Variants in PCDHGB4 observed in about 807,000 individuals in gnomAD.
The protein encoded by PCDHGB4 is protocadherin gamma subfamily B, 4.
Under a neutral mutation model 60.5 loss-of-function variants are expected in PCDHGB4, and 38 were observed. That is an observed-to-expected ratio of 0.63 (90% CI 0.48 to 0.82). The LOEUF is 0.82. Ranked by LOEUF, PCDHGB4 falls within the 40% of genes least tolerant of loss-of-function variation. The probability of loss-of-function intolerance (pLI) is 0.00; values close to 1 mark genes in which losing one functional copy is unlikely to be tolerated. For missense variants in PCDHGB4, 1,109 were observed against 1,209.6 expected, an observed-to-expected ratio of 0.92 and a Z score of 1.23; for synonymous variants, 456 against 509.7, an observed-to-expected ratio of 0.89 and a Z score of 1.42.
intron 1 of PCDHGB4, chr5:141,408,814 A>G (rs1473137465): frequency 6.8e-6 from 11 of 1,613,456 alleles, no homozygotes; most frequent in Non-Finnish European, 8.5e-6. Context: ...ACCGGGAAGA[A>G]CAGAGATCTC....
At chr5:141,415,740 GTTTTTTTTTTTTT>G (rs57426385) in intron 1 of PCDHGB4, 160 of 625,000 alleles carry the variant, frequency 2.6e-4, no homozygotes, top group Middle Eastern at 1.1e-3. Context: ...GTTTATTAAG[GTTTTTTTTTTTTT>G]TTTTTTTTTT....
At chr5:141,414,183 A>C in intron 1 of PCDHGB4, 1 of 1,609,508 alleles carries the variant, frequency 6.2e-7, no homozygotes, top group Non-Finnish European at 8.5e-7. Flanking sequence ...CAACTGCAAA[A>C]GTGTTGATTA....
In PCDHGB4 at chr5:141,432,677, C is replaced by T. The variant is rs1241190176; in HGVS notation, c.2397+42396C>T. On this transcript the variant is annotated intron_variant, in intron 1 of 3. Transcript: ENST00000519479. This position sits in a 1 kb window ranked among gnomAD's most constrained non-coding sequence, Gnocchi z 6.0. ...CCTGCTGGACAGAGACGCGCTCAAGCAGAGCCTCGTAGTGGCCGTCCAGGA... is the reference window on the plus strand; with the variant it reads ...CCTGCTGGACAGAGACGCGCTCAAGTAGAGCCTCGTAGTGGCCGTCCAGGA... The T allele has an allele frequency of 1.2e-6, 2 of 1,613,942 alleles. No individual in the cohort carries two copies. The highest frequency in any genetic ancestry group is 1.1e-5 in the South Asian group (1 of 91,076).
chr5:141,458,059 T>A (rs533147047), intron 1 of PCDHGB4, among the ~76,000 whole-genome samples: 1 of 152,238 alleles, frequency 6.6e-6, no homozygotes, highest in Admixed American at 6.5e-5. Flanking sequence ...CTTGCTGCAC[T>A]GATGCGAACA....
rs779735897 is a variant in PCDHGB4 at position 141,422,336 on chromosome 5, TA to T, written c.2397+32058del. 34 of 1,550,032 alleles carry T rather than the reference TA, an allele frequency of 2.2e-5. No individual in the cohort carries two copies. The East Asian group carries it at 7.2e-4, about 33-fold the overall frequency. On this transcript the variant is annotated intron_variant, in intron 1 of 3. Coordinates refer to ENST00000519479, the MANE Select transcript of PCDHGB4 (RefSeq NM_003736.4). ...CCTCCAGGTACAGTGATTGCTCTTC[TA>T]AATGTGCAAGATCAAGATTCTGGAG... is the stretch of plus-strand genomic sequence containing the variant.
At chr5:141,437,741 C>CT (rs35124340) in intron 1 of PCDHGB4, among the ~76,000 whole-genome samples, 18,734 of 141,656 alleles carry the variant, frequency 0.13, 1,459 homozygotes, top group African/African-American at 0.22. Context: ...TTGAGTTCAC[C>CT]TTTTTTTTTT....
At position 141,489,076 on chromosome 5, in the gene PCDHGB4, C is replaced by T. The variant is rs536134432; in HGVS notation, c.2398-5731C>T. The T allele has an allele frequency of 6.1e-6, 2 of 326,424 alleles. No individual in the cohort carries two copies. Among genetic ancestry groups the T allele is most frequent in the East Asian group, 5.8e-5 (1 of 17,220 alleles). 20.2% of individuals were successfully genotyped at this position (326,424 alleles called of 1,614,324 possible). On this transcript the variant is annotated intron_variant, in intron 1 of 3. Coordinates refer to ENST00000519479, the MANE Select transcript of PCDHGB4 (RefSeq NM_003736.4). The surrounding 1 kb of genome is among the most constrained non-coding windows in gnomAD (Gnocchi z 4.5). The stretch of plus-strand genomic sequence containing the variant: ...CAGCTCCCCTCCCCCCTGCCCACCC[C>T]CGCCACTCGGTGACTAAGAACTGCT...
intron 1 of PCDHGB4, chr5:141,421,105 G>A: frequency 1.4e-6 from 1 of 700,910 alleles, no homozygotes; most frequent in Non-Finnish European, 2.3e-6. Context: ...TGGAGACTTA[G>A]AAGTATTTTC....
chr5:141,502,238 T>C (rs2099813398), intron 2 of PCDHGB4, among the ~76,000 whole-genome samples: 1 of 152,204 alleles, frequency 6.6e-6, no homozygotes, highest in Admixed American at 6.5e-5. Flanking sequence ...TGTGTTCTTT[T>C]ATCCTTTTTT....
chr5:141,451,408 T>C (rs1244686397), intron 1 of PCDHGB4, among the ~76,000 whole-genome samples: 1 of 152,204 alleles, frequency 6.6e-6, no homozygotes, highest in Non-Finnish European at 1.5e-5. Flanking sequence ...ATTAAGTTCC[T>C]TGTGGATTGT....
chr5:141,406,257 C>T (rs1180988990), intron 1 of PCDHGB4, among the ~76,000 whole-genome samples: 1 of 151,898 alleles, frequency 6.6e-6, no homozygotes, highest in African/African-American at 2.4e-5. Context: ...TGGTCTCAAA[C>T]GATCTTCCTG....
At chr5:141,475,778 T>A (rs1204790631) in intron 1 of PCDHGB4, among the ~76,000 whole-genome samples, 1 of 152,400 alleles carries the variant, frequency 6.6e-6, no homozygotes. Context: ...GCGCTTTGGC[T>A]GGAAACTCTG....
Position 141,490,888 on chromosome 5 carries a change from C to G in PCDHGB4, c.2398-3919C>G. The G allele has an allele frequency of 1.2e-6, 2 of 1,613,358 alleles. No individual in the cohort carries two copies. The highest frequency in any genetic ancestry group is 1.7e-6 in the Non-Finnish European group (2 of 1,179,390). On this transcript the variant is annotated intron_variant, in intron 1 of 3. Transcript: ENST00000519479. This position sits in a 1 kb window ranked among gnomAD's most constrained non-coding sequence, Gnocchi z 5.4. Reference sequence around the variant, plus strand: ...TCCCCCATTGCATGCCAACACATCTCTGCATGTGTTTGTCCTAGACGAGAA... The same window carrying G: ...TCCCCCATTGCATGCCAACACATCTGTGCATGTGTTTGTCCTAGACGAGAA...
At chr5:141,424,841 C>A (rs1303241053) in intron 1 of PCDHGB4, among the ~76,000 whole-genome samples, 1 of 152,126 alleles carries the variant, frequency 6.6e-6, no homozygotes. Context: ...TACATGTTAT[C>A]TGAAGCAATG....
intron 1 of PCDHGB4, among the ~76,000 whole-genome samples, chr5:141,454,730 A>C (rs2098797371): frequency 6.7e-6 from 1 of 150,092 alleles, no homozygotes; most frequent in Admixed American, 6.7e-5. Context: ...TATATGTTAT[A>C]GGATGAAAAG....
At position 141,437,305 on chromosome 5, in the gene PCDHGB4, G is replaced by A. The variant is rs369317069; in HGVS notation, c.2397+47024G>A. On this transcript the variant is annotated intron_variant, in intron 1 of 3. Transcript: ENST00000519479. ...TATCCATTTCATCTAACAAGTTAAA[G>A]CGTTCAGCTATAATTTAAAATTTGT... 1.8e-4 allele frequency among the ~76,000 whole-genome samples: 28 copies of A among 152,266 alleles called. No homozygotes were observed. In the South Asian group the frequency reaches 4.8e-3, roughly 26 times the overall value.
At chr5:141,396,636 A>G (rs1206522598) in intron 1 of PCDHGB4, 1 of 152,050 alleles carries the variant, frequency 6.6e-6, no homozygotes, top group African/African-American at 2.4e-5. Context: ...AAAAAAAACT[A>G]ATATTAATAG....
At chr5:141,414,061 T>C in intron 1 of PCDHGB4, 1 of 1,609,248 alleles carries the variant, frequency 6.2e-7, no homozygotes, top group Non-Finnish European at 8.5e-7. Flanking sequence ...ATTGTTGAAG[T>C]TCCAACTAAA....
intron 1 of PCDHGB4, chr5:141,419,088 T>G (rs2096325159): frequency 1.2e-6 from 2 of 1,613,940 alleles, no homozygotes; most frequent in Non-Finnish European, 1.7e-6. Flanking sequence ...GATGAGGCCC[T>G]GGATCGGGAG....
Sources: gnomAD v4.1 joint callset for allele counts (sites outside exome capture counted in the v4.1 genomes callset) on GRCh38, gnomAD v4.1.1 for gene constraint, Gnocchi (gnomAD v3.1) non-coding constraint, MANE v1.5 for transcripts, NCBI Gene and HGNC (gene_info 2026-07-23, HGNC 2026-07-21) for gene names.